The following BTBD16 variants were observed in gnomAD, a reference collection of about 807,000 sequenced individuals.
BTBD16 encodes the protein BTB/POZ domain-containing protein 16.
BTBD16 carries 66 observed loss-of-function variants against 67.4 expected under a neutral mutation model. The observed-to-expected ratio is 0.98, with a 90% CI of 0.80 to 1.20. BTBD16 has a LOEUF of 1.20. Among genes scored for constraint, BTBD16 ranks in the 50% most tolerant of loss-of-function variants. The pLI, the probability that BTBD16 is intolerant of heterozygous loss-of-function variation, is 0.00. For synonymous variants in BTBD16, 242 were observed against 236.4 expected (o/e 1.02, Z -0.22); for missense variants, 634 against 616.0 (o/e 1.03, Z -0.31).
chr10:122,299,548 G>A (rs2096390072), intron 9 of BTBD16, among the ~76,000 whole-genome samples: 1 of 151,490 alleles, frequency 6.6e-6, no homozygotes, highest in African/African-American at 2.4e-5. Context: ...GTATCTGATC[G>A]CCTGCTTGAC....
chr10:122,333,292 A>G (rs1354385696), intron 13 of BTBD16, among the ~76,000 whole-genome samples: 2 of 152,154 alleles, frequency 1.3e-5, no homozygotes, highest in African/African-American at 2.4e-5. Context: ...TGCAAATGCT[A>G]TGAGTGGCTC....
intron 9 of BTBD16, among the ~76,000 whole-genome samples, chr10:122,301,213 C>G (rs552271876): frequency 2.6e-5 from 4 of 152,118 alleles, no homozygotes; most frequent in African/African-American, 9.7e-5. Flanking sequence ...CATTGTCCCT[C>G]CCTTGGAAAG....
chr10:122,311,796 C>T (rs1186244067), intron 10 of BTBD16, among the ~76,000 whole-genome samples: 2 of 152,208 alleles, frequency 1.3e-5, no homozygotes, highest in Non-Finnish European at 2.9e-5. Context: ...ATCTCAGTAC[C>T]TACTTCTTCC....
intron 13 of BTBD16, 76 bp downstream of exon 13, chr10:122,332,589 A>G: frequency 1.4e-6 from 2 of 1,467,398 alleles, no homozygotes; most frequent in Non-Finnish European, 1.9e-6. Flanking sequence ...GAGGGCAGCC[A>G]TGATCACTTC....
At chr10:122,323,726 A>G (rs1277838555) in intron 10 of BTBD16, among the ~76,000 whole-genome samples, 1 of 152,188 alleles carries the variant, frequency 6.6e-6, no homozygotes, top group East Asian at 1.9e-4. Context: ...AAGAAGGTCG[A>G]TGCTGGAAAG....
intron 7 of BTBD16, among the ~76,000 whole-genome samples, chr10:122,292,297 T>C (rs78842242): frequency 1.0e-3 from 159 of 152,344 alleles, no homozygotes; most frequent in African/African-American, 3.0e-3. Flanking sequence ...GGATGGAGTG[T>C]TTGCCTTTCA....
chr10:122,325,129 C>T (rs922277789), intron 10 of BTBD16, among the ~76,000 whole-genome samples: 2 of 152,188 alleles, frequency 1.3e-5, no homozygotes, highest in Non-Finnish European at 2.9e-5. Flanking sequence ...TGAGCATGTG[C>T]ACCAGGGCTG....
intron 15 of BTBD16, among the ~76,000 whole-genome samples, chr10:122,337,378 G>C (rs2096464918): frequency 6.6e-6 from 1 of 152,218 alleles, no homozygotes; most frequent in African/African-American, 2.4e-5. Context: ...TTGTGGGGGT[G>C]AGGGAGAGGG....
chr10:122,272,813 C>T (rs2096331828), intron 1 of BTBD16, among the ~76,000 whole-genome samples: 1 of 152,036 alleles, frequency 6.6e-6, no homozygotes, highest in African/African-American at 2.4e-5. Flanking sequence ...TTAGTGTCCC[C>T]AGTACATAGA....
At chr10:122,299,248 C>A (rs1306195962) in intron 9 of BTBD16, 114 bp downstream of exon 9, 1 of 1,269,964 alleles carries the variant, frequency 7.9e-7, no homozygotes, top group Non-Finnish European at 1.1e-6. Flanking sequence ...AAGCTTCCTG[C>A]CCTCCTGGAC....
At chr10:122,335,050 TTAA>T (rs1291415311) in intron 14 of BTBD16, 71 bp downstream of exon 14, 1 of 731,864 alleles carries the variant, frequency 1.4e-6, no homozygotes, top group African/African-American at 1.8e-5. Flanking sequence ...TCATGTTGAA[TTAA>T]TAATAATTGA....
intron 5 of BTBD16, among the ~76,000 whole-genome samples, chr10:122,288,768 G>A (rs548243183): frequency 6.6e-6 from 1 of 152,318 alleles, no homozygotes; most frequent in African/African-American, 2.4e-5. Context: ...AAGCCCTCTC[G>A]GGGGGAGGGA....
chr10:122,337,882 C>A, intron 15 of BTBD16, 135 bp from the exon 16 acceptor site: 1 of 655,396 alleles, frequency 1.5e-6, no homozygotes, highest in Non-Finnish European at 2.7e-6. Flanking sequence ...ATAACCTCTG[C>A]AGGTTATTCT....
intron 10 of BTBD16, among the ~76,000 whole-genome samples, chr10:122,311,621 C>T (rs1445897698): frequency 6.6e-6 from 1 of 152,118 alleles, no homozygotes; most frequent in Admixed American, 6.5e-5. Flanking sequence ...CAGAAGCAGG[C>T]AAATTTTCAA....
intron 10 of BTBD16, among the ~76,000 whole-genome samples, chr10:122,320,912 A>G (rs2096434326): frequency 6.6e-6 from 1 of 152,114 alleles, no homozygotes; most frequent in Admixed American, 6.6e-5. Context: ...TTACATGGAT[A>G]TATTACATGA....
At chr10:122,305,250 T>C (rs1311717207) in intron 9 of BTBD16, among the ~76,000 whole-genome samples, 1 of 152,252 alleles carries the variant, frequency 6.6e-6, no homozygotes, top group Non-Finnish European at 1.5e-5. Context: ...GATAATTTTG[T>C]CACCCAGGTG....
At chr10:122,327,060 A>G (rs567939098) in intron 10 of BTBD16, among the ~76,000 whole-genome samples, 2 of 152,310 alleles carry the variant, frequency 1.3e-5, no homozygotes, top group East Asian at 1.9e-4. Flanking sequence ...AGTGGCGCCA[A>G]GTAAAATGGA....
chr10:122,335,304 C>T (rs897676443), intron 14 of BTBD16, among the ~76,000 whole-genome samples: 2 of 152,202 alleles, frequency 1.3e-5, no homozygotes, highest in African/African-American at 4.8e-5. Flanking sequence ...TTTATACATA[C>T]AATTCAGTTA....
intron 10 of BTBD16, among the ~76,000 whole-genome samples, chr10:122,312,309 CTTTTTTTTTTTTT>C (rs58045019): frequency 2.5e-4 from 26 of 105,602 alleles, no homozygotes; most frequent in Non-Finnish European, 3.9e-4. Flanking sequence ...TTTTCTTTTT[CTTTTTTTTTTTTT>C]TTTTTTTTTT....
Sources: allele counts gnomAD v4.1 joint callset (sites outside exome capture counted in the v4.1 genomes callset), GRCh38; gene constraint gnomAD v4.1.1; transcripts MANE v1.5; gene names NCBI Gene and HGNC (gene_info 2026-07-23, HGNC 2026-07-21).